Variants in MAP2 observed in about 807,000 individuals in gnomAD.
The protein encoded by MAP2 is microtubule-associated protein 2.
A neutral mutation model predicts 137.6 loss-of-function variants in MAP2; 14 were observed. The ratio of observed to expected loss-of-function variants is 0.10; its 90% CI spans 0.07 to 0.16. The LOEUF (loss-of-function observed/expected upper bound fraction) is 0.16, where lower values mean the gene tolerates loss of function less well. Among genes scored for constraint, MAP2 ranks in the 10% least tolerant of loss-of-function variants. MAP2 has a pLI of 1.00. For synonymous variants in MAP2, 786 were observed against 782.3 expected, an observed-to-expected ratio of 1.00 and a Z score of -0.08; for missense variants, 2,088 against 2,191.5, an observed-to-expected ratio of 0.95 and a Z score of 0.94.
At chr2:209,644,489 T>C (rs1036667990) in intron 4 of MAP2, among the ~76,000 whole-genome samples, 2 of 152,062 alleles carry the variant, frequency 1.3e-5, no homozygotes, top group African/African-American at 4.8e-5. Context: ...ATTTGCTATA[T>C]AGTGTTGGCC....
rs148540523 is a variant in MAP2, at chr2:209,663,891, T to C, written c.262+10459T>C. ...AATGGGCAAGTTTACATTGTGGTGT[T>C]TTCATTCCCATGCAGTATTGTGCAA... is the stretch of plus-strand genomic sequence containing the variant. On this transcript the variant is annotated intron_variant, in intron 5 of 15. Coordinates refer to ENST00000682079, the MANE Select transcript of MAP2 (RefSeq NM_001375505.1). Among the ~76,000 whole-genome samples, 1,293 of 152,286 alleles carry C rather than the reference T, an allele frequency of 8.5e-3. 10 individuals are homozygous for C. The highest frequency in any genetic ancestry group is 0.02 in the Middle Eastern group (6 of 294).
At chr2:209,436,818 G>A (rs192734756) in intron 1 of MAP2, among the ~76,000 whole-genome samples, 1 of 151,748 alleles carries the variant, frequency 6.6e-6, no homozygotes, top group East Asian at 1.9e-4. Flanking sequence ...CCCCCTTCAA[G>A]TAACTGTGTA....
chr2:209,554,375 T>C (rs1190496938), intron 2 of MAP2, among the ~76,000 whole-genome samples: 1 of 152,168 alleles, frequency 6.6e-6, no homozygotes, highest in Non-Finnish European at 1.5e-5. Context: ...TTCTCCACTC[T>C]CTTCTACCCG....
In MAP2 at chr2:209,433,808, T is replaced by G. The variant is rs1293048754; in HGVS notation, c.-222+9532T>G. ...TTGGTGAGTTACATGCATAATTAATTTTAATCACTTGTAGTCTCTTTGTAC... is the reference window on the plus strand; with the variant it reads ...TTGGTGAGTTACATGCATAATTAATGTTAATCACTTGTAGTCTCTTTGTAC... On this transcript the variant is annotated intron_variant, in intron 1 of 15. Transcript: ENST00000682079. Among the ~76,000 whole-genome samples, 5 of 152,028 alleles carry G rather than the reference T, an allele frequency of 3.3e-5. No homozygotes were observed. The East Asian group carries it at 9.7e-4, about 29-fold the overall frequency.
At chr2:209,656,340 A>T (rs2095143723) in intron 5 of MAP2, among the ~76,000 whole-genome samples, 1 of 151,666 alleles carries the variant, frequency 6.6e-6, no homozygotes, top group African/African-American at 2.4e-5. Context: ...ACATGGCAAA[A>T]CCTCATCTCC....
At chr2:209,522,054 A>G (rs1272420974) in intron 2 of MAP2, among the ~76,000 whole-genome samples, 1 of 152,180 alleles carries the variant, frequency 6.6e-6, no homozygotes, top group Non-Finnish European at 1.5e-5. Context: ...AGAAGCATCA[A>G]AGACCTGTGT....
intron 2 of MAP2, among the ~76,000 whole-genome samples, chr2:209,549,716 G>T (rs2068787432): frequency 6.6e-6 from 1 of 152,158 alleles, no homozygotes; most frequent in South Asian, 2.1e-4. Context: ...TCACAAGTTG[G>T]ACACTCTTTT....
chr2:209,635,018 C>G (rs537762459), intron 4 of MAP2, among the ~76,000 whole-genome samples: 1 of 152,124 alleles, frequency 6.6e-6, no homozygotes, highest in African/African-American at 2.4e-5. Context: ...TGCTTGAGCC[C>G]AGGAGTTGGA....
intron 4 of MAP2, among the ~76,000 whole-genome samples, chr2:209,632,328 A>G (rs923671720): frequency 6.6e-6 from 1 of 152,106 alleles, no homozygotes; most frequent in Non-Finnish European, 1.5e-5. Context: ...AGCAAAGAAC[A>G]TTAGGGAACA....
At chr2:209,679,174 A>G (rs1295671049) in intron 6 of MAP2, among the ~76,000 whole-genome samples, 1 of 152,082 alleles carries the variant, frequency 6.6e-6, no homozygotes, top group Non-Finnish European at 1.5e-5. Flanking sequence ...TATATGAAGT[A>G]CTGAACTTCA....
intron 5 of MAP2, among the ~76,000 whole-genome samples, chr2:209,663,395 T>TG (rs1030209250): frequency 3.3e-5 from 5 of 152,308 alleles, no homozygotes; most frequent in African/African-American, 9.6e-5. Context: ...AACCGTGTCC[T>TG]GCCGGCTCAC....
chr2:209,700,333 G>A lies in MAP2; in HGVS notation c.4579G>A (p.Val1527Ile). The A allele has an allele frequency of 1.2e-6, 2 of 1,611,452 alleles. No homozygotes were observed. The highest frequency in any genetic ancestry group is 1.7e-6 in the Non-Finnish European group (2 of 1,178,356). Residue 1527 changes from valine to isoleucine, a missense_variant, in exon 11 of 16, where the codon GTC (valine) becomes ATC (isoleucine). Val to Ile is a conservative substitution (Grantham distance 29). Around this residue, in one of 6 missense-constraint regions of MAP2, gnomAD observed 591 missense variants for 642.6 expected, o/e 0.92. Transcript: ENST00000682079. The part of the protein sequence containing the change: ...PSVFKQAKDK[V>I]SDGVTKSPEK... ...TGTATTTAAACAGGCAAAGGACAAA[G>A]TCTCTGTGAGTAAAATAAGTTTTTC...
intron 3 of MAP2, among the ~76,000 whole-genome samples, chr2:209,584,733 G>A (rs2077282355): frequency 6.6e-6 from 1 of 152,122 alleles, no homozygotes; most frequent in African/African-American, 2.4e-5. Flanking sequence ...AGTCCAAAGA[G>A]GGTATTGACT....
At chr2:209,574,759 T>A (rs2075031113) in intron 2 of MAP2, among the ~76,000 whole-genome samples, 1 of 152,194 alleles carries the variant, frequency 6.6e-6, no homozygotes, top group Non-Finnish European at 1.5e-5. Context: ...GTGGACCAAC[T>A]TTGTTGGAAG....
chr2:209,545,019 AAC>A (rs2067768747), intron 2 of MAP2, among the ~76,000 whole-genome samples: 1 of 152,208 alleles, frequency 6.6e-6, no homozygotes, highest in South Asian at 2.1e-4. Flanking sequence ...ATGGAATTCA[AAC>A]TATTTTTGCC....
chr2:209,731,905 ATTT>A lies in MAP2; in HGVS notation c.*1509_*1511del, dbSNP rs2075826241. ...AAGTAACACACTGTGATCTAGTATTATTTATCAGTAGATAATACTGTTCTGACT... is the reference window on the plus strand; with the variant it reads ...AAGTAACACACTGTGATCTAGTATTAATCAGTAGATAATACTGTTCTGACT... On this transcript the variant is annotated 3_prime_UTR_variant, in exon 16 of 16. Transcript: ENST00000682079. 1.3e-5 allele frequency: 2 copies of A among 152,214 alleles called. No homozygotes were observed. Among genetic ancestry groups the A allele is most frequent in the African/African-American group, 2.4e-5 (1 of 41,454 alleles). The allele number at this position is 152,214 out of a possible 1,614,324, so 9.4% of individuals were successfully genotyped here. A position where few individuals can be genotyped will look rare whatever the true frequency, so the allele number is the denominator to read the frequency against.
At chr2:209,495,989 G>C (rs2059704281) in intron 1 of MAP2, among the ~76,000 whole-genome samples, 1 of 152,170 alleles carries the variant, frequency 6.6e-6, no homozygotes, top group African/African-American at 2.4e-5. Context: ...CATGTAACTG[G>C]CCTTTTTAGC....
chr2:209,643,553 G>C (rs2094190367), intron 4 of MAP2, among the ~76,000 whole-genome samples: 1 of 152,136 alleles, frequency 6.6e-6, no homozygotes, highest in Non-Finnish European at 1.5e-5. Context: ...AAAGAAAATT[G>C]TAACTCAATT....
intron 3 of MAP2, among the ~76,000 whole-genome samples, chr2:209,617,599 C>T (rs1484059301): frequency 1.3e-5 from 2 of 152,138 alleles, no homozygotes; most frequent in Non-Finnish European, 2.9e-5. Context: ...AGACTCTTTG[C>T]TTCTTTGTGC....
Sources: allele counts gnomAD v4.1 joint callset (sites outside exome capture counted in the v4.1 genomes callset), GRCh38; gene constraint gnomAD v4.1.1; regional missense constraint gnomAD v4.1.1; transcripts MANE v1.5; gene names NCBI Gene and HGNC (gene_info 2026-07-23, HGNC 2026-07-21).